PACRG: variants seen among roughly 807,000 people sequenced by gnomAD.
The protein encoded by PACRG is parkin coregulated gene protein.
Under a neutral mutation model 29.7 loss-of-function variants are expected in PACRG, and 29 were observed. That is an observed-to-expected ratio of 0.98 (90% CI 0.73 to 1.33). PACRG has a LOEUF of 1.33. PACRG is among the 40% of genes most tolerant of loss of function. PACRG has a pLI of 0.00. For synonymous variants in PACRG, 116 were observed against 118.7 expected (o/e 0.98, Z 0.15); for missense variants, 279 against 316.2 (o/e 0.88, Z 0.89).
intron 4 of PACRG, among the ~76,000 whole-genome samples, chr6:163,109,526 C>T (rs533332183): frequency 6.6e-6 from 1 of 152,244 alleles, no homozygotes; most frequent in Non-Finnish European, 1.5e-5. Flanking sequence ...TTCCTTTCTT[C>T]CTTTTGAAAT....
At chr6:163,214,552 A>C (rs946697797) in intron 4 of PACRG, among the ~76,000 whole-genome samples, 1 of 151,822 alleles carries the variant, frequency 6.6e-6, no homozygotes, top group Non-Finnish European at 1.5e-5. Context: ...TTTTAAATCC[A>C]TTCATATATA....
At chr6:163,289,668 C>T (rs1423592304) in intron 4 of PACRG, among the ~76,000 whole-genome samples, 2 of 151,996 alleles carry the variant, frequency 1.3e-5, no homozygotes. Context: ...GCATGTTGTC[C>T]TCCCCAGCCC....
At chr6:162,918,996 T>G (rs980318524) in intron 2 of PACRG, among the ~76,000 whole-genome samples, 1 of 152,084 alleles carries the variant, frequency 6.6e-6, no homozygotes, top group Non-Finnish European at 1.5e-5. Context: ...AGGGAGTGAT[T>G]AGGACAAGTA....
chr6:162,970,328 G>C (rs985771465), intron 2 of PACRG, among the ~76,000 whole-genome samples: 2 of 152,076 alleles, frequency 1.3e-5, no homozygotes, highest in African/African-American at 4.8e-5. Flanking sequence ...GGGTGTCTGG[G>C]GAGCGCATCG....
intron 4 of PACRG, among the ~76,000 whole-genome samples, chr6:163,252,138 T>C (rs766466836): frequency 1.3e-5 from 2 of 152,158 alleles, no homozygotes; most frequent in Non-Finnish European, 2.9e-5. Context: ...TGCCTCACAA[T>C]TACCCCACAA....
chr6:162,850,919 C>T (rs1250034259), intron 2 of PACRG, among the ~76,000 whole-genome samples: 1 of 152,146 alleles, frequency 6.6e-6, no homozygotes, highest in Non-Finnish European at 1.5e-5. Context: ...CGGGCCTGAG[C>T]CCCCAGCCCA....
intron 4 of PACRG, among the ~76,000 whole-genome samples, chr6:163,103,622 A>G (rs1815222030): frequency 6.6e-6 from 1 of 152,118 alleles, no homozygotes; most frequent in South Asian, 2.1e-4. Flanking sequence ...TCACAACAAT[A>G]CCTTGATTCA....
At chr6:163,173,709 G>A (rs1223440616) in intron 4 of PACRG, among the ~76,000 whole-genome samples, 1 of 152,170 alleles carries the variant, frequency 6.6e-6, no homozygotes, top group African/African-American at 2.4e-5. Context: ...TATTTTCAAG[G>A]TCGCCCTCTC....
Position 163,119,565 on chromosome 6 carries a change from A to G in PACRG, c.613+30157A>G, listed in dbSNP as rs928287906. Among the ~76,000 whole-genome samples the G allele has an allele frequency of 3.3e-5, 5 of 152,278 alleles. 1 individual carries two copies. Among genetic ancestry groups the G allele is most frequent in the African/African-American group, 1.2e-4 (5 of 41,552 alleles). On this transcript the variant is annotated intron_variant, in intron 4 of 4. Transcript: ENST00000366888. ...ATGCAGGAGTTGCTCAGCTACACCC[A>G]TCTCGGGATGATGGAGACTCCAAGT...
intron 4 of PACRG, among the ~76,000 whole-genome samples, chr6:163,124,057 C>T (rs912509086): frequency 6.6e-6 from 1 of 152,224 alleles, no homozygotes; most frequent in Non-Finnish European, 1.5e-5. Flanking sequence ...GAGGAACCTC[C>T]ATGCTGCTTT....
chr6:163,232,226 T>C (rs1233771327), intron 4 of PACRG, among the ~76,000 whole-genome samples: 4 of 152,112 alleles, frequency 2.6e-5, no homozygotes, highest in African/African-American at 9.7e-5. Flanking sequence ...CCAGGAGAGC[T>C]GAAGATTAGC....
At chr6:163,281,754 A>G (rs1472448666) in intron 4 of PACRG, among the ~76,000 whole-genome samples, 1 of 152,236 alleles carries the variant, frequency 6.6e-6, no homozygotes, top group Non-Finnish European at 1.5e-5. Flanking sequence ...TACAGTGTAT[A>G]TGAGTCAGGC....
chr6:162,773,494 A>ATTTTTTTTTTTTT (rs71008110), intron 1 of PACRG, among the ~76,000 whole-genome samples: 1 of 66,024 alleles, frequency 1.5e-5, no homozygotes, highest in South Asian at 4.7e-4. Flanking sequence ...ACAGCTTGTC[A>ATTTTTTTTTTTTT]TTTTTTTTTT....
intron 4 of PACRG, among the ~76,000 whole-genome samples, chr6:163,136,590 G>T (rs1180885455): frequency 6.6e-6 from 1 of 151,988 alleles, no homozygotes; most frequent in South Asian, 2.1e-4. Context: ...CACAGCTTTC[G>T]TTAGTTTCAG....
chr6:163,052,161 C>T (rs1302330977), intron 2 of PACRG: 1 of 152,022 alleles, frequency 6.6e-6, no homozygotes, highest in Non-Finnish European at 1.5e-5. Context: ...TGATTAATGC[C>T]TGTCTAATTT....
chr6:162,967,874 C>G (rs1296782486), intron 2 of PACRG, among the ~76,000 whole-genome samples: 1 of 152,144 alleles, frequency 6.6e-6, no homozygotes, highest in African/African-American at 2.4e-5. Context: ...GTCTATCAAA[C>G]AAAACGTTCA....
intron 2 of PACRG, among the ~76,000 whole-genome samples, chr6:163,050,156 C>G (rs1306433605): frequency 6.6e-6 from 1 of 151,954 alleles, no homozygotes; most frequent in Non-Finnish European, 1.5e-5. Context: ...CATATTTTTT[C>G]CTGGGACCAG....
At chr6:163,293,339 G>A (rs1415418053) in intron 4 of PACRG, among the ~76,000 whole-genome samples, 1 of 152,208 alleles carries the variant, frequency 6.6e-6, no homozygotes, top group Non-Finnish European at 1.5e-5. Context: ...TTACCTCTGT[G>A]GTTTGGAACA....
chr6:162,878,111 CTT>C (rs1221952775), intron 2 of PACRG, among the ~76,000 whole-genome samples: 2 of 152,020 alleles, frequency 1.3e-5, no homozygotes, highest in African/African-American at 2.4e-5. Context: ...AATTCTGAGA[CTT>C]TTTTATATTA....
Sources: gnomAD v4.1 joint callset for allele counts (sites outside exome capture counted in the v4.1 genomes callset) on GRCh38, gnomAD v4.1.1 for gene constraint, MANE v1.5 for transcripts, NCBI Gene and HGNC (gene_info 2026-07-23, HGNC 2026-07-21) for gene names.